DRC8: variants seen among roughly 807,000 people sequenced by gnomAD.
DRC8 encodes dynein regulatory complex protein 8.
the DRC8 span, among the ~76,000 whole-genome samples, chr1:245,097,866 C>A: frequency 6.6e-6 from 1 of 152,108 alleles, no homozygotes; most frequent in Non-Finnish European, 1.5e-5. This position sits in a 1 kb window ranked among gnomAD's most constrained non-coding sequence, Gnocchi z 5.0. Context: ...GCAAGGAGCA[C>A]CCCAGGCCTT....
At chr1:244,990,781 A>C in the DRC8 span, among the ~76,000 whole-genome samples, 1 of 151,022 alleles carries the variant, frequency 6.6e-6, no homozygotes, top group Non-Finnish European at 1.5e-5. Flanking sequence ...GACTACAGGC[A>C]TGAGCCACTG....
the DRC8 span, among the ~76,000 whole-genome samples, chr1:245,017,742 A>G: frequency 1.6e-3 from 249 of 152,300 alleles, no homozygotes; most frequent in African/African-American, 5.7e-3. Context: ...TTATGCGATG[A>G]CACACTCCCC....
At chr1:245,076,240 C>G in the DRC8 span, among the ~76,000 whole-genome samples, 1 of 152,174 alleles carries the variant, frequency 6.6e-6, no homozygotes, top group East Asian at 1.9e-4. Context: ...ACTGCTGGTA[C>G]AAATCATCAT....
the DRC8 span, among the ~76,000 whole-genome samples, chr1:245,108,917 C>T: frequency 6.6e-6 from 1 of 152,264 alleles, no homozygotes; most frequent in Middle Eastern, 3.4e-3. Flanking sequence ...TAGATATGGC[C>T]ATGGCTTGTA....
At chr1:245,117,788 G>A in the DRC8 span, among the ~76,000 whole-genome samples, 1 of 152,114 alleles carries the variant, frequency 6.6e-6, no homozygotes, top group African/African-American at 2.4e-5. Context: ...GGCCAACGTG[G>A]CAAAACCTCA....
chr1:245,074,076 T>C, the DRC8 span, among the ~76,000 whole-genome samples: 78 of 152,344 alleles, frequency 5.1e-4, no homozygotes, highest in South Asian at 0.016. Flanking sequence ...ATCTGAAACA[T>C]AGCTGTGGAC....
the DRC8 span, among the ~76,000 whole-genome samples, chr1:245,000,990 A>C: frequency 6.6e-6 from 1 of 152,062 alleles, no homozygotes; most frequent in Admixed American, 6.6e-5. Flanking sequence ...AAAAAAAATC[A>C]GGGGAAAGTA....
chr1:245,043,673 T>C, the DRC8 span, among the ~76,000 whole-genome samples: 2 of 152,116 alleles, frequency 1.3e-5, no homozygotes, highest in East Asian at 3.9e-4. Flanking sequence ...GAATACTGAG[T>C]GAGTTGCTCC....
chr1:244,970,816 T>G, the DRC8 span: 4 of 321,346 alleles, frequency 1.2e-5, no homozygotes, highest in South Asian at 5.8e-5. Flanking sequence ...CCTTGCATCC[T>G]GCGCGGGCTG....
At chr1:244,974,992 A>G in the DRC8 span, among the ~76,000 whole-genome samples, 10 of 151,626 alleles carry the variant, frequency 6.6e-5, no homozygotes, top group East Asian at 1.7e-3. Context: ...GTGCAGTGGC[A>G]CGATCTTGGC....
the DRC8 span, among the ~76,000 whole-genome samples, chr1:245,058,561 C>T: frequency 1.3e-5 from 2 of 152,192 alleles, no homozygotes; most frequent in South Asian, 4.1e-4. Flanking sequence ...ATTAACTACT[C>T]TAGTTAAGTG....
At chr1:245,117,985 C>T in the DRC8 span, among the ~76,000 whole-genome samples, 5,045 of 151,906 alleles carry the variant, frequency 0.033, 105 homozygotes, top group African/African-American at 0.065. Flanking sequence ...TAAATAAATA[C>T]GCTTAAAATG....
the DRC8 span, chr1:244,970,065 C>G: frequency 1.1e-5 from 7 of 648,352 alleles, no homozygotes; most frequent in Non-Finnish European, 1.9e-5. Flanking sequence ...CGCGTGCTGT[C>G]CCCAAATGGA....
chr1:245,017,159 A>G, the DRC8 span: 1 of 1,296,120 alleles, frequency 7.7e-7, no homozygotes, highest in Non-Finnish European at 1.1e-6. Context: ...TTACTTATTA[A>G]GATTGCTAGT....
chr1:245,109,088 C>T, the DRC8 span, among the ~76,000 whole-genome samples: 51 of 152,270 alleles, frequency 3.3e-4, 1 homozygote, highest in African/African-American at 1.2e-3. Context: ...CTGCACGTAA[C>T]TGGAGCTGAA....
At chr1:244,985,157 A>G in the DRC8 span, among the ~76,000 whole-genome samples, 3 of 148,964 alleles carry the variant, frequency 2.0e-5, no homozygotes, top group African/African-American at 7.6e-5. Context: ...ACGCTTCATC[A>G]TAGAGAGCAA....
chr1:245,113,748 CACTCG>C, the DRC8 span, among the ~76,000 whole-genome samples: 917 of 152,264 alleles, frequency 6.0e-3, 28 homozygotes, highest in East Asian at 0.022. Flanking sequence ...CCAAACGCCA[CACTCG>C]ACACTTTACG....
At chr1:245,036,519 G>T in the DRC8 span, among the ~76,000 whole-genome samples, 2 of 152,104 alleles carry the variant, frequency 1.3e-5, no homozygotes, top group African/African-American at 4.8e-5. Context: ...GAAAAAATAT[G>T]TCCATACAAA....
the DRC8 span, among the ~76,000 whole-genome samples, chr1:245,089,419 A>G: frequency 2.6e-5 from 4 of 152,282 alleles, no homozygotes; most frequent in South Asian, 2.1e-4. The surrounding 1 kb of genome is among the most constrained non-coding windows in gnomAD (Gnocchi z 4.8). Context: ...ACGGGAAGGC[A>G]GAGGAAGAAG....
Sources: allele counts gnomAD v4.1 joint callset (sites outside exome capture counted in the v4.1 genomes callset), GRCh38; gene constraint gnomAD v4.1.1; non-coding constraint Gnocchi (gnomAD v3.1); transcripts MANE v1.5; gene names NCBI Gene and HGNC (gene_info 2026-07-23, HGNC 2026-07-21).